ILDR1: variants seen among roughly 807,000 people sequenced by gnomAD.
ILDR1 encodes the protein immunoglobulin-like domain-containing receptor 1.
In ILDR1, 56 loss-of-function variants were observed where a neutral mutation model predicts 62.4. The observed-to-expected ratio is 0.90, with a 90% CI of 0.72 to 1.12. ILDR1 has a LOEUF of 1.12. ILDR1 is among the 50% of genes most tolerant of loss of function. ILDR1 has a pLI of 0.00. For synonymous variants in ILDR1, 284 were observed against 277.8 expected (o/e 1.02, Z -0.22); for missense variants, 736 against 710.6 (o/e 1.04, Z -0.41).
the ILDR1 span, among the ~76,000 whole-genome samples, chr3:122,056,088 A>G: frequency 2.0e-5 from 3 of 152,172 alleles, no homozygotes; most frequent in South Asian, 2.1e-4. Context: ...GTGCTATTTC[A>G]TTGAATTTTA....
At chr3:122,011,677 TCA>T (rs10530548) in intron 1 of ILDR1, among the ~76,000 whole-genome samples, 14 of 133,214 alleles carry the variant, frequency 1.1e-4, no homozygotes, top group African/African-American at 3.2e-4. Context: ...TCTCTCTCTT[TCA>T]CACACACACA....
chr3:122,020,412 T>C (rs1447117856), intron 1 of ILDR1, among the ~76,000 whole-genome samples: 1 of 152,226 alleles, frequency 6.6e-6, no homozygotes, highest in Non-Finnish European at 1.5e-5. Flanking sequence ...TTTATTTACA[T>C]TTCTACACAT....
chr3:121,994,212 A>G lies in ILDR1; in HGVS notation c.748T>C (p.Ser250Pro), dbSNP rs1250900149. The change falls in exon 6 of 8, where the codon TCT (serine) becomes CCT (proline). Residue 250 changes from serine (S) to proline (P), a missense_variant. Coordinates refer to ENST00000344209, the MANE Select transcript of ILDR1 (RefSeq NM_001199799.2). Reference sequence around the variant, plus strand: ...TGCAGCAGCGGGTGCATTGGATAAGATGAAACCTGGGAGCTCCTGTCCGCC... The same window carrying G: ...TGCAGCAGCGGGTGCATTGGATAAGGTGAAACCTGGGAGCTCCTGTCCGCC... ...WGADRSSQVS[S>P]YPMHPLLQRD... is the part of the protein sequence containing the mutation. 1 of 1,535,972 alleles carries G rather than the reference A, an allele frequency of 6.5e-7. No individual in the cohort carries two copies. Among genetic ancestry groups the G allele is most frequent in the Non-Finnish European group, 8.7e-7 (1 of 1,146,906 alleles).
At chr3:122,010,718 A>AT (rs2071691082) in intron 1 of ILDR1, among the ~76,000 whole-genome samples, 1 of 152,176 alleles carries the variant, frequency 6.6e-6, no homozygotes, top group South Asian at 2.1e-4. Context: ...CACAGATAAG[A>AT]TTTTCACAAT....
chr3:122,012,992 A>G (rs949833007), intron 1 of ILDR1, among the ~76,000 whole-genome samples: 1 of 152,170 alleles, frequency 6.6e-6, no homozygotes, highest in African/African-American at 2.4e-5. Flanking sequence ...CAGATGAGAT[A>G]TCAGAGCTCA....
chr3:122,046,743 TTCTCG>T, the ILDR1 span, among the ~76,000 whole-genome samples: 2 of 134,452 alleles, frequency 1.5e-5, no homozygotes, highest in Non-Finnish European at 3.2e-5. Flanking sequence ...CTTCACTTAG[TTCTCG>T]AGCCTTGGTT....
the ILDR1 span, among the ~76,000 whole-genome samples, chr3:122,040,293 C>T: frequency 6.6e-6 from 1 of 151,148 alleles, no homozygotes; most frequent in Non-Finnish European, 1.5e-5. Context: ...ATCTTGGAAA[C>T]CAAAAAAAGA....
chr3:122,022,161 A>G lies in ILDR1; in HGVS notation c.-84T>C, dbSNP rs2071867526. 4.1e-6 allele frequency: 5 copies of G among 1,223,522 alleles called. No homozygotes were observed. Among genetic ancestry groups the G allele is most frequent in the African/African-American group, 1.5e-5 (1 of 66,176 alleles). The allele number at this position is 1,223,522 out of a possible 1,614,324, so 75.8% of individuals were successfully genotyped here. On this transcript the variant is annotated 5_prime_UTR_variant, in exon 1 of 8. Coordinates refer to ENST00000344209, the MANE Select transcript of ILDR1 (RefSeq NM_001199799.2). ...CTCAGCTGCCGCCCCAGGACGCACCACCTTCTCCAAGGAACCCCTCGGGTT... is the reference window on the plus strand; with the variant it reads ...CTCAGCTGCCGCCCCAGGACGCACCGCCTTCTCCAAGGAACCCCTCGGGTT...
intron 1 of ILDR1, among the ~76,000 whole-genome samples, chr3:122,013,054 T>C (rs1306361117): frequency 1.3e-5 from 2 of 152,096 alleles, no homozygotes; most frequent in African/African-American, 4.8e-5. Flanking sequence ...ATCAGGTACT[T>C]TCCAAGGCCA....
chr3:122,060,092 G>C, the ILDR1 span, among the ~76,000 whole-genome samples: 1 of 152,198 alleles, frequency 6.6e-6, no homozygotes, highest in African/African-American at 2.4e-5. Context: ...CACTTGGTGA[G>C]AGTGCATACA....
In ILDR1 at chr3:121,994,283, G is replaced by A; in HGVS notation, c.677C>T (p.Ala226Val). Reference protein sequence around the residue: ...ALARHRYMKQAQALGPQMMGK... With the variant: ...ALARHRYMKQVQALGPQMMGK... ...CATCATCTGAGGACCTAGGGCCTGG[G>A]CCTGCTTCATGTAGCGGTGGCGGGC... Residue 226 changes from alanine to valine, a missense_variant, in exon 6 of 8, where the codon GCC becomes GTC. Transcript: ENST00000344209. The A allele has an allele frequency of 6.5e-7, 1 of 1,535,944 alleles. No individual in the cohort carries two copies.
the ILDR1 span, among the ~76,000 whole-genome samples, chr3:122,030,623 T>TTCTCTCTCTC: frequency 1.8e-4 from 26 of 147,526 alleles, no homozygotes; most frequent in African/African-American, 5.2e-4. Context: ...GCAAGGGTTT[T>TTCTCTCTCTC]TCTCTCTCTC....
the ILDR1 span, among the ~76,000 whole-genome samples, chr3:122,028,330 C>A: frequency 3.1e-5 from 3 of 97,958 alleles, no homozygotes; most frequent in Non-Finnish European, 6.1e-5. Context: ...AGCGAGACTC[C>A]ATCTCAAAAA....
chr3:121,999,099 A>G (rs564296343), intron 5 of ILDR1, among the ~76,000 whole-genome samples: 81 of 152,146 alleles, frequency 5.3e-4, no homozygotes, highest in Non-Finnish European at 9.7e-4. Flanking sequence ...TAAGACAGCA[A>G]CCTCAGAGCA....
At chr3:122,029,511 A>AATATATATATAT in the ILDR1 span, among the ~76,000 whole-genome samples, 13 of 139,472 alleles carry the variant, frequency 9.3e-5, no homozygotes, top group African/African-American at 2.6e-4. Flanking sequence ...GTCTAAAAAA[A>AATATATATATAT]ATATATATAT....
intron 1 of ILDR1, among the ~76,000 whole-genome samples, chr3:122,008,933 T>G (rs1398909117): frequency 1.3e-5 from 2 of 150,444 alleles, no homozygotes; most frequent in African/African-American, 4.9e-5. Flanking sequence ...TTTCTTTCTT[T>G]CTTTTTTTCT....
chr3:122,021,835 A>G (rs1401927284), intron 1 of ILDR1, among the ~76,000 whole-genome samples, 185 bp downstream of exon 1: 2 of 152,190 alleles, frequency 1.3e-5, no homozygotes, highest in Non-Finnish European at 2.9e-5. Flanking sequence ...CAAAAGAGAA[A>G]AGCAACAGGT....
Position 121,993,834 on chromosome 3 carries a change from G to A in ILDR1, c.915C>T (p.Asp305=). The change falls in exon 7 of 8, where the codon GAC becomes GAT. Residue 305 remains aspartate (D), a synonymous_variant. Transcript: ENST00000344209. ...NLNLAQPLPP[D]LKGRFGHPCS... is the part of the protein sequence containing the mutation. ...AGGGATGGCCAAATCTGCCTTTGAG[G>A]TCAGGGGGCAGAGGCTGGGCCAGGT... 1 of 1,614,138 alleles carries A rather than the reference G, an allele frequency of 6.2e-7. No individual in the cohort carries two copies.
At chr3:122,029,511 A>AAAAAATATAT in the ILDR1 span, among the ~76,000 whole-genome samples, 4 of 139,502 alleles carry the variant, frequency 2.9e-5, no homozygotes, top group African/African-American at 1.1e-4. Flanking sequence ...GTCTAAAAAA[A>AAAAAATATAT]ATATATATAT....
Sources: gnomAD v4.1 joint callset for allele counts (sites outside exome capture counted in the v4.1 genomes callset) on GRCh38, gnomAD v4.1.1 for gene constraint, MANE v1.5 for transcripts, NCBI Gene and HGNC (gene_info 2026-07-23, HGNC 2026-07-21) for gene names.